Variants in ENTPD1 observed in about 807,000 individuals in gnomAD.
The protein encoded by ENTPD1 is ectonucleoside triphosphate diphosphohydrolase 1.
ENTPD1 carries 33 observed loss-of-function variants against 57.0 expected under a neutral mutation model. That is an observed-to-expected ratio of 0.58 (90% CI 0.44 to 0.77). ENTPD1 has a LOEUF of 0.77. ENTPD1 is among the 30% of genes least tolerant of loss of function. ENTPD1 has a pLI of 0.00. For synonymous variants in ENTPD1, 202 were observed against 218.8 expected, an observed-to-expected ratio of 0.92 and a Z score of 0.68; for missense variants, 501 against 603.4, an observed-to-expected ratio of 0.83 and a Z score of 1.78.
chr10:95,697,213 A>C, the ENTPD1 span, among the ~76,000 whole-genome samples: 1 of 151,936 alleles, frequency 6.6e-6, no homozygotes, highest in African/African-American at 2.4e-5. Flanking sequence ...TTGAAGTACC[A>C]CTGTAGGAAG....
rs931882158 is a variant in ENTPD1, at chr10:95,875,889, T to TC, written c.*9511dup. On this transcript the variant is annotated 3_prime_UTR_variant, in exon 10 of 10. Coordinates refer to ENST00000371205, the MANE Select transcript of ENTPD1 (RefSeq NM_001776.6). ...GACCAGCCCCCTTGATTCAATTACC[T>TC]CCCCCTGGGTCCTGTGGGAATTCTG... The TC allele has an allele frequency of 6.6e-6, 5 of 759,796 alleles. No homozygotes were observed. Among genetic ancestry groups the TC allele is most frequent in the African/African-American group, 1.9e-5 (1 of 52,898 alleles). 47.1% of individuals were successfully genotyped at this position (759,796 alleles called of 1,614,324 possible).
rs1183764396 is a variant in ENTPD1, at chr10:95,872,942, T to C, written c.*6559T>C. On this transcript the variant is annotated 3_prime_UTR_variant, in exon 10 of 10. Transcript: ENST00000371205. Reference sequence around the variant, plus strand: ...GTGTAGTTTGCCATGCAGCACTTCATTGTACACATTATTAAAACAGAATTT... The same window carrying C: ...GTGTAGTTTGCCATGCAGCACTTCACTGTACACATTATTAAAACAGAATTT... The C allele has an allele frequency of 5.1e-6, 5 of 985,336 alleles. No homozygotes were observed. Among genetic ancestry groups the C allele is most frequent in the South Asian group, 4.7e-5 (1 of 21,288 alleles). 61.0% of individuals were successfully genotyped at this position (985,336 alleles called of 1,614,324 possible).
At chr10:95,712,823 A>G (rs916155045) in intron 1 of ENTPD1, among the ~76,000 whole-genome samples, 1 of 152,168 alleles carries the variant, frequency 6.6e-6, no homozygotes, top group Admixed American at 6.5e-5. Flanking sequence ...TCATGAGGTC[A>G]GGAGATCGAG....
intron 1 of ENTPD1, among the ~76,000 whole-genome samples, chr10:95,712,346 T>TAA (rs2097966546): frequency 6.6e-6 from 1 of 152,200 alleles, no homozygotes; most frequent in Non-Finnish European, 1.5e-5. Flanking sequence ...CCTGTGTCTA[T>TAA]AAACTTTGCT....
At chr10:95,827,483 G>GT (rs892721599) in intron 2 of ENTPD1, among the ~76,000 whole-genome samples, 13 of 151,852 alleles carry the variant, frequency 8.6e-5, no homozygotes, top group African/African-American at 2.9e-4. Context: ...TTTTTGTTTT[G>GT]TTTTGTTTTG....
the ENTPD1 span, among the ~76,000 whole-genome samples, chr10:95,694,416 T>C: frequency 1.1e-5 from 1 of 87,854 alleles, no homozygotes; most frequent in Non-Finnish European, 2.3e-5. Flanking sequence ...TAAATATGGC[T>C]TTTTTAAAAA....
At chr10:95,770,387 A>T (rs1476654483) in intron 1 of ENTPD1, among the ~76,000 whole-genome samples, 2 of 152,066 alleles carry the variant, frequency 1.3e-5, no homozygotes, top group African/African-American at 4.8e-5. Flanking sequence ...AATGCTGCTC[A>T]TGGGTAAAAT....
At chr10:95,740,804 T>C (rs1589661406) in intron 1 of ENTPD1, among the ~76,000 whole-genome samples, 1 of 152,268 alleles carries the variant, frequency 6.6e-6, no homozygotes, top group African/African-American at 2.4e-5. Flanking sequence ...GCTTACTTTC[T>C]TAAACCTCAT....
chr10:95,839,436 A>G, intron 2 of ENTPD1: 1 of 500,710 alleles, frequency 2.0e-6, no homozygotes, highest in Non-Finnish European at 3.6e-6. Flanking sequence ...GCTTCTAAAC[A>G]ATACTGCTTC....
At chr10:95,811,780 TG>T (rs1429652940) in intron 1 of ENTPD1, among the ~76,000 whole-genome samples, 5 of 152,242 alleles carry the variant, frequency 3.3e-5, no homozygotes, top group African/African-American at 1.2e-4. Context: ...CATAGAATTA[TG>T]TATTATGAAT....
chr10:95,847,364 C>T, intron 6 of ENTPD1, 82 bp from the exon 7 acceptor site: 1 of 1,515,832 alleles, frequency 6.6e-7, no homozygotes, highest in Non-Finnish European at 9.2e-7. Context: ...TTGTACAGTG[C>T]CTACATATTG....
chr10:95,800,036 T>C (rs2098242415), intron 1 of ENTPD1, among the ~76,000 whole-genome samples: 1 of 152,184 alleles, frequency 6.6e-6, no homozygotes. Flanking sequence ...AGATCTTTGT[T>C]GGATGCATAA....
rs897945478 is a variant in ENTPD1 at position 95,847,830 on chromosome 10, G to A, written c.1074+124G>A. Reference sequence around the variant, plus strand: ...CATAATGTCTTGAGGTAGATGATTAGGGGTTGGTTCTTCAGCTCAACTATG... The same window carrying A: ...CATAATGTCTTGAGGTAGATGATTAAGGGTTGGTTCTTCAGCTCAACTATG... On this transcript the variant is annotated intron_variant, in intron 7 of 9. Coordinates refer to ENST00000371205, the MANE Select transcript of ENTPD1 (RefSeq NM_001776.6). 3 of 1,424,836 alleles carry A rather than the reference G, an allele frequency of 2.1e-6. No homozygotes were observed. In the African/African-American group the frequency reaches 4.2e-5, roughly 20 times the overall value. 88.3% of individuals were successfully genotyped at this position (1,424,836 alleles called of 1,614,324 possible). A position where few individuals can be genotyped will look rare whatever the true frequency, so the allele number is the denominator to read the frequency against.
chr10:95,802,525 G>C (rs2098254147), intron 1 of ENTPD1, among the ~76,000 whole-genome samples: 1 of 151,950 alleles, frequency 6.6e-6, no homozygotes, highest in African/African-American at 2.4e-5. Flanking sequence ...TGATACATAG[G>C]TATACATGTG....
At position 95,738,429 on chromosome 10, in the gene ENTPD1, G is replaced by A. The variant is rs899018821; in HGVS notation, c.37+26436G>A. Among the ~76,000 whole-genome samples the A allele has an allele frequency of 2.6e-5, 4 of 152,162 alleles. No individual in the cohort carries two copies. The East Asian group carries it at 5.8e-4, about 22-fold the overall frequency. On this transcript the variant is annotated intron_variant, in intron 1 of 9. Transcript: ENST00000453258. ...CTAGGGCCAAAACTGAAGTGAGGGA[G>A]GCCCCTTGCTTGGCCAGATCAGGAG...
chr10:95,767,388 A>G (rs2098093837), intron 1 of ENTPD1, among the ~76,000 whole-genome samples: 1 of 151,674 alleles, frequency 6.6e-6, no homozygotes, highest in Non-Finnish European at 1.5e-5. Flanking sequence ...TTAATATCAA[A>G]GTGAAATTAG....
chr10:95,769,848 A>G (rs1464182183), intron 1 of ENTPD1, among the ~76,000 whole-genome samples: 1 of 152,058 alleles, frequency 6.6e-6, no homozygotes, highest in Non-Finnish European at 1.5e-5. Flanking sequence ...AGGAAACTTG[A>G]CTCCAAGGTT....
chr10:95,788,282 G>A (rs916018795), intron 1 of ENTPD1, among the ~76,000 whole-genome samples: 10 of 152,184 alleles, frequency 6.6e-5, no homozygotes, highest in South Asian at 2.1e-4. Context: ...AATGGTAGAC[G>A]AATTCTCATG....
chr10:95,861,701 G>A (rs185711882), intron 8 of ENTPD1: 2 of 152,268 alleles, frequency 1.3e-5, no homozygotes, highest in Non-Finnish European at 2.9e-5. Context: ...TTAGAGTGGA[G>A]GCAATTTGAG....
Sources: allele counts gnomAD v4.1 joint callset (sites outside exome capture counted in the v4.1 genomes callset), GRCh38; gene constraint gnomAD v4.1.1; transcripts MANE v1.5; gene names NCBI Gene and HGNC (gene_info 2026-07-23, HGNC 2026-07-21).